The following SLC2A9 variants were observed in gnomAD, a reference collection of about 807,000 sequenced individuals.
The protein encoded by SLC2A9 is solute carrier family 2, facilitated glucose transporter member 9.
Under a neutral mutation model 50.6 loss-of-function variants are expected in SLC2A9, and 39 were observed. That is an observed-to-expected ratio of 0.77 (90% CI 0.60 to 1.01). SLC2A9 has a LOEUF of 1.01. Ranked by LOEUF, SLC2A9 falls within the 50% of genes least tolerant of loss-of-function variation. SLC2A9 has a pLI of 0.00. For missense variants in SLC2A9, 686 were observed against 677.6 expected, an observed-to-expected ratio of 1.01 and a Z score of -0.14; for synonymous variants, 324 against 276.9, an observed-to-expected ratio of 1.17 and a Z score of -1.69.
At chr4:10,017,813 G>A (rs1432415635) in intron 2 of SLC2A9, among the ~76,000 whole-genome samples, 2 of 148,310 alleles carry the variant, frequency 1.3e-5, no homozygotes, top group South Asian at 4.3e-4. Flanking sequence ...TCCCCAAAAC[G>A]GCCTGTGCTC....
chr4:9,970,799 CA>C (rs1753780079), intron 5 of SLC2A9, among the ~76,000 whole-genome samples: 1 of 152,212 alleles, frequency 6.6e-6, no homozygotes, highest in African/African-American at 2.4e-5. Flanking sequence ...AGCCCAGCGC[CA>C]GGCGCCAGAC....
upstream of SLC2A9, among the ~76,000 whole-genome samples, chr4:10,026,301 G>T: frequency 1.3e-5 from 2 of 152,156 alleles, no homozygotes; most frequent in African/African-American, 4.8e-5. Context: ...GGATCTCCCC[G>T]GGCTATGTAC....
At chr4:9,911,943 T>C (rs1452907564) in intron 7 of SLC2A9, among the ~76,000 whole-genome samples, 4 of 152,182 alleles carry the variant, frequency 2.6e-5, no homozygotes, top group African/African-American at 7.2e-5. Flanking sequence ...ATATACACCA[T>C]GGAATACTAT....
At chr4:9,898,999 CCT>C (rs58512583) in intron 8 of SLC2A9, among the ~76,000 whole-genome samples, 37,525 of 151,616 alleles carry the variant, frequency 0.25, 4,817 homozygotes, top group Non-Finnish European at 0.28. Flanking sequence ...CCTCCCTCCC[CCT>C]CTCTCTCTCT....
intron 3 of SLC2A9, among the ~76,000 whole-genome samples, chr4:9,986,964 T>C (rs961517889): frequency 2.0e-5 from 3 of 152,172 alleles, no homozygotes; most frequent in Non-Finnish European, 2.9e-5. Flanking sequence ...AAAGCCCACA[T>C]TTATTGAACT....
At chr4:9,972,762 T>C (rs1754117511) in intron 5 of SLC2A9, among the ~76,000 whole-genome samples, 1 of 152,118 alleles carries the variant, frequency 6.6e-6, no homozygotes, top group Non-Finnish European at 1.5e-5. Context: ...AACAGAGACA[T>C]AACATACCAA....
upstream of SLC2A9, among the ~76,000 whole-genome samples, chr4:10,024,506 C>T (rs1578385684): frequency 6.6e-6 from 1 of 152,140 alleles, no homozygotes; most frequent in East Asian, 1.9e-4. Context: ...CCACTTCTGC[C>T]AAGAAGGGAG....
chr4:9,785,976 T>C (rs752865161), intron 3 of SLC2A9, among the ~76,000 whole-genome samples: 13 of 152,004 alleles, frequency 8.6e-5, no homozygotes, highest in Non-Finnish European at 1.8e-4. Flanking sequence ...CTTGACGAAG[T>C]AAGGGTTGGA....
intron 5 of SLC2A9, among the ~76,000 whole-genome samples, chr4:9,943,063 C>T (rs893391737): frequency 6.6e-6 from 1 of 152,174 alleles, no homozygotes; most frequent in African/African-American, 2.4e-5. Context: ...ACTGGCAGGG[C>T]CTGGGGACAG....
intron 10 of SLC2A9, among the ~76,000 whole-genome samples, chr4:9,887,020 T>A (rs959903059): frequency 6.6e-6 from 1 of 152,220 alleles, no homozygotes; most frequent in African/African-American, 2.4e-5. Context: ...ACAGCTACCA[T>A]GTAAGCTGGT....
chr4:9,792,389 C>T (rs111733388), intron 3 of SLC2A9, among the ~76,000 whole-genome samples: 4 of 150,250 alleles, frequency 2.7e-5, no homozygotes, highest in Non-Finnish European at 4.4e-5. Flanking sequence ...GATTGCACTA[C>T]GTCACCCAGG....
intron 5 of SLC2A9, among the ~76,000 whole-genome samples, chr4:9,949,981 C>A (rs1218007464): frequency 6.6e-6 from 1 of 152,146 alleles, no homozygotes; most frequent in Admixed American, 6.5e-5. Flanking sequence ...CTCCCAACAA[C>A]TGCCTCCTGG....
At chr4:9,879,315 G>A in intron 10 of SLC2A9, 1 of 985,400 alleles carries the variant, frequency 1.0e-6, no homozygotes, top group South Asian at 4.7e-5. Context: ...GTTGTTGCAA[G>A]AGGGGAAATA....
chr4:9,800,248 C>T (rs1022228372), intron 3 of SLC2A9, among the ~76,000 whole-genome samples: 4 of 152,110 alleles, frequency 2.6e-5, no homozygotes, highest in East Asian at 1.9e-4. Flanking sequence ...AGGTCATGGA[C>T]GTGGGTTGAA....
chr4:9,992,468 A>C (rs1217770639), intron 3 of SLC2A9, among the ~76,000 whole-genome samples: 1 of 152,180 alleles, frequency 6.6e-6, no homozygotes, highest in African/African-American at 2.4e-5. Flanking sequence ...AACCAGAAAC[A>C]TCTCCTGGCA....
At chr4:9,938,190 C>A (rs1440631727) in intron 6 of SLC2A9, among the ~76,000 whole-genome samples, 1 of 152,058 alleles carries the variant, frequency 6.6e-6, no homozygotes, top group Non-Finnish European at 1.5e-5. Flanking sequence ...TGGAATTTAA[C>A]CCTGGCTTAA....
chr4:9,911,068 C>T (rs1050996440), intron 7 of SLC2A9, among the ~76,000 whole-genome samples: 17 of 151,988 alleles, frequency 1.1e-4, no homozygotes, highest in Admixed American at 9.8e-4. Flanking sequence ...TTGATGGGTG[C>T]AGCAAACCAT....
At chr4:10,012,892 C>T (rs886738675) in intron 2 of SLC2A9, among the ~76,000 whole-genome samples, 5 of 152,162 alleles carry the variant, frequency 3.3e-5, no homozygotes, top group African/African-American at 1.2e-4. Context: ...TAAGTCACCA[C>T]AGTCTGGCTT....
At chr4:9,971,392 T>C (rs1753890678) in intron 5 of SLC2A9, among the ~76,000 whole-genome samples, 1 of 152,218 alleles carries the variant, frequency 6.6e-6, no homozygotes, top group Non-Finnish European at 1.5e-5. Flanking sequence ...GAACAAATCT[T>C]CACAGAATAA....
Sources: allele counts gnomAD v4.1 joint callset (sites outside exome capture counted in the v4.1 genomes callset), GRCh38; gene constraint gnomAD v4.1.1; transcripts MANE v1.5; gene names NCBI Gene and HGNC (gene_info 2026-07-23, HGNC 2026-07-21).